The following CNTNAP2 variants were observed in gnomAD, a reference collection of about 807,000 sequenced individuals.
CNTNAP2 encodes the protein contactin-associated protein-like 2.
Under a neutral mutation model 155.2 loss-of-function variants are expected in CNTNAP2, and 98 were observed. The ratio of observed to expected loss-of-function variants is 0.63; its 90% CI spans 0.54 to 0.75. CNTNAP2 has a LOEUF of 0.75. Among genes scored for constraint, CNTNAP2 ranks in the 30% least tolerant of loss-of-function variants. CNTNAP2 has a pLI of 0.00. For missense variants in CNTNAP2, 1,727 were observed against 1,688.1 expected, an observed-to-expected ratio of 1.02 and a Z score of -0.40; for synonymous variants, 651 against 631.2, an observed-to-expected ratio of 1.03 and a Z score of -0.47.
chr7:148,294,922 T>G (rs1797255330), intron 21 of CNTNAP2, among the ~76,000 whole-genome samples: 1 of 152,182 alleles, frequency 6.6e-6, no homozygotes, highest in Admixed American at 6.5e-5. Flanking sequence ...AACCAGCATT[T>G]ATTTTGCATC....
At chr7:148,164,359 A>G (rs1391548174) in intron 17 of CNTNAP2, among the ~76,000 whole-genome samples, 1 of 152,028 alleles carries the variant, frequency 6.6e-6, no homozygotes, top group East Asian at 1.9e-4. Context: ...CAGCCTGCCC[A>G]AACACATAGC....
chr7:148,051,493 C>T (rs144118575), intron 15 of CNTNAP2, among the ~76,000 whole-genome samples: 3 of 151,596 alleles, frequency 2.0e-5, no homozygotes, highest in East Asian at 1.9e-4. Flanking sequence ...ACAAAGCCAT[C>T]GTAATTAAAA....
intron 18 of CNTNAP2, among the ~76,000 whole-genome samples, chr7:148,214,361 A>G (rs1357399170): frequency 1.3e-5 from 2 of 152,118 alleles, no homozygotes; most frequent in African/African-American, 4.8e-5. Context: ...CCGCCATAAC[A>G]TTCACTGTAT....
rs766175195 is a variant in CNTNAP2 at position 148,415,544 on chromosome 7, C to T, written c.3924C>T (p.Asp1308=). The T allele has an allele frequency of 2.5e-5, 40 of 1,614,094 alleles. No homozygotes were observed. Among genetic ancestry groups the T allele is most frequent in the Non-Finnish European group, 3.1e-5 (37 of 1,180,044 alleles). ...GGGCGGAGTCGGCAGAGAGCGCGGA[C>T]GCCGCCATCATGAACAACGACCCCA... is the stretch of plus-strand genomic sequence containing the variant. ...AKGAESAESA[D]AAIMNNDPNF... Residue 1308 remains aspartate (D), a synonymous_variant, in exon 24 of 24, where the codon GAC becomes GAT. Coordinates refer to ENST00000361727, the MANE Select transcript of CNTNAP2 (RefSeq NM_014141.6).
At chr7:147,265,810 G>A (rs1468595822) in intron 8 of CNTNAP2, among the ~76,000 whole-genome samples, 2 of 152,140 alleles carry the variant, frequency 1.3e-5, no homozygotes, top group Non-Finnish European at 2.9e-5. Context: ...GAAGGAGCAG[G>A]AAGCCATCTT....
At chr7:147,058,318 A>G (rs982215608) in intron 4 of CNTNAP2, among the ~76,000 whole-genome samples, 2 of 152,184 alleles carry the variant, frequency 1.3e-5, no homozygotes, top group Non-Finnish European at 2.9e-5. Flanking sequence ...TCAAAACAAT[A>G]TAAATTTGTA....
At position 146,404,124 on chromosome 7, in the gene CNTNAP2, C is replaced by CAAAAAAAAAAA. The variant is rs1163559597; in HGVS notation, c.97+287159_97+287169dup. On this transcript the variant is annotated intron_variant, in intron 1 of 23. Coordinates refer to ENST00000361727, the MANE Select transcript of CNTNAP2 (RefSeq NM_014141.6). Reference sequence around the variant, plus strand: ...TGGGCGACAGAGCGAGACTCCGTCTCAAAAAAAAAAAAAAAAAACAAAGAA... The same window carrying CAAAAAAAAAAA: ...TGGGCGACAGAGCGAGACTCCGTCTCAAAAAAAAAAAAAAAAAAAAAAAAAAAAACAAAGAA... Among the ~76,000 whole-genome samples, 689 of 72,564 alleles carry CAAAAAAAAAAA rather than the reference C, an allele frequency of 9.5e-3. 53 individuals carry two copies. Among genetic ancestry groups the CAAAAAAAAAAA allele is most frequent in the African/African-American group, 0.044 (654 of 14,946 alleles). The allele number at this position is 72,564 out of a possible 152,430, so 47.6% of individuals were successfully genotyped here. A position where few individuals can be genotyped will look rare whatever the true frequency, so the allele number is the denominator to read the frequency against.
intron 15 of CNTNAP2, among the ~76,000 whole-genome samples, chr7:148,044,927 A>G (rs1000560670): frequency 5.9e-5 from 9 of 152,096 alleles, no homozygotes; most frequent in African/African-American, 2.2e-4. Flanking sequence ...TCCTAGACTC[A>G]AGCAATCCTT....
intron 8 of CNTNAP2, among the ~76,000 whole-genome samples, chr7:147,203,289 G>A (rs1457456745): frequency 2.0e-5 from 3 of 152,080 alleles, no homozygotes; most frequent in Non-Finnish European, 4.4e-5. Context: ...CTGTTGCCCT[G>A]GCTGGAGTGC....
At chr7:146,347,882 G>A (rs1244115558) in intron 1 of CNTNAP2, among the ~76,000 whole-genome samples, 1 of 152,064 alleles carries the variant, frequency 6.6e-6, no homozygotes, top group Admixed American at 6.6e-5. Flanking sequence ...TTCTTTCAAA[G>A]TGAAACATTA....
intron 3 of CNTNAP2, among the ~76,000 whole-genome samples, chr7:146,933,386 C>T (rs77589239): frequency 0.73 from 109,008 of 149,946 alleles, 40,896 homozygotes; most frequent in African/African-American, 0.91. Context: ...GCTAGCCATA[C>T]GTAGAAAGCT....
intron 11 of CNTNAP2, among the ~76,000 whole-genome samples, chr7:147,559,663 A>G (rs1468258417): frequency 1.3e-5 from 2 of 152,162 alleles, no homozygotes; most frequent in Non-Finnish European, 2.9e-5. Context: ...AGATTGGACA[A>G]AGGGACTAAG....
chr7:146,381,660 TG>T (rs1312399942), intron 1 of CNTNAP2, among the ~76,000 whole-genome samples: 1 of 152,170 alleles, frequency 6.6e-6, no homozygotes, highest in African/African-American at 2.4e-5. Flanking sequence ...ACAAGCTCTT[TG>T]TAAAAGTTCA....
chr7:146,749,260 T>G (rs1801863634), intron 1 of CNTNAP2, among the ~76,000 whole-genome samples: 2 of 152,186 alleles, frequency 1.3e-5, no homozygotes, highest in African/African-American at 4.8e-5. Flanking sequence ...TATGTGTATG[T>G]GTATCTTTAC....
chr7:146,127,848 G>A (rs527976040), intron 1 of CNTNAP2, among the ~76,000 whole-genome samples: 9 of 152,298 alleles, frequency 5.9e-5, no homozygotes, highest in African/African-American at 2.2e-4. Flanking sequence ...TATATTTAGT[G>A]TGTAATAATC....
rs573125851 is a variant in CNTNAP2 at position 146,220,738 on chromosome 7, C to T, written c.97+103765C>T. Among the ~76,000 whole-genome samples, 15 of 152,056 alleles carry T rather than the reference C, an allele frequency of 9.9e-5. No homozygotes were observed. The East Asian group carries it at 1.4e-3, about 14-fold the overall frequency. On this transcript the variant is annotated intron_variant, in intron 1 of 23. Coordinates refer to ENST00000361727, the MANE Select transcript of CNTNAP2 (RefSeq NM_014141.6). ...TTCTGTTACACAAAAACTTTTAAAA[C>T]GTTATGAATGAAAAAAATTAGTTAT... is the stretch of plus-strand genomic sequence containing the variant.
intron 1 of CNTNAP2, among the ~76,000 whole-genome samples, chr7:146,732,163 T>C (rs1019360514): frequency 2.0e-5 from 3 of 152,172 alleles, no homozygotes; most frequent in Non-Finnish European, 2.9e-5. Flanking sequence ...AAACAGTTTG[T>C]AGAAGCTACT....
intron 15 of CNTNAP2, among the ~76,000 whole-genome samples, chr7:148,033,592 A>T (rs1260758957): frequency 6.6e-6 from 1 of 152,182 alleles, no homozygotes; most frequent in East Asian, 1.9e-4. Flanking sequence ...TCTGAGCAAG[A>T]CAACCTCCTT....
At chr7:147,943,708 A>G (rs1800767649) in intron 14 of CNTNAP2, among the ~76,000 whole-genome samples, 1 of 131,986 alleles carries the variant, frequency 7.6e-6, no homozygotes, top group East Asian at 2.5e-4. Context: ...GGTTGCAGTG[A>G]GCTGAGATAA....
Sources: allele counts gnomAD v4.1 joint callset (sites outside exome capture counted in the v4.1 genomes callset), GRCh38; gene constraint gnomAD v4.1.1; transcripts MANE v1.5; gene names NCBI Gene and HGNC (gene_info 2026-07-23, HGNC 2026-07-21).